LTF: variants seen among roughly 807,000 people sequenced by gnomAD.
The protein encoded by LTF is lactotransferrin.
A neutral mutation model predicts 87.2 loss-of-function variants in LTF; 91 were observed. The observed-to-expected ratio is 1.04, with a 90% CI of 0.88 to 1.24. The LOEUF is 1.24. Ranked by LOEUF, LTF falls within the 50% of genes most tolerant of loss-of-function variation. The probability of loss-of-function intolerance (pLI) is 0.00; values close to 1 mark genes in which losing one functional copy is unlikely to be tolerated. For missense variants in LTF, 901 were observed against 904.3 expected (o/e 1.00, Z 0.05); for synonymous variants, 378 against 356.1 (o/e 1.06, Z -0.69).
intron 15 of LTF, 146 bp from the exon 16 acceptor site, chr3:46,438,275 C>T: frequency 1.4e-6 from 1 of 694,010 alleles, no homozygotes; most frequent in Non-Finnish European, 2.5e-6. Flanking sequence ...ATTCCACCTC[C>T]TTAGTGGAGT....
rs939247331 is a variant in LTF at position 46,435,991 on chromosome 3, T to C, written c.*204A>G. On this transcript the variant is annotated 3_prime_UTR_variant, in exon 17 of 17. Transcript: ENST00000231751. ...TTTCAGTATAAAATTCTAGAAAAGA[T>C]GAGTGACACTTTATAAGGAGAGAAT... The C allele has an allele frequency of 5.1e-6, 3 of 590,970 alleles. No individual in the cohort carries two copies. Among genetic ancestry groups the C allele is most frequent in the Non-Finnish European group, 6.0e-6 (2 of 331,122 alleles). The allele number at this position is 590,970 out of a possible 1,614,324, so 36.6% of individuals were successfully genotyped here.
intron 6 of LTF, among the ~76,000 whole-genome samples, chr3:46,451,665 G>A (rs1045542254): frequency 2.0e-5 from 3 of 152,192 alleles, no homozygotes; most frequent in African/African-American, 7.2e-5. Context: ...TGCGATCTCA[G>A]CTCACTGCAT....
At position 46,450,531 on chromosome 3, in the gene LTF, C is replaced by A. The variant is rs1702777164; in HGVS notation, c.846G>T (p.Lys282Asn). ...HAVVARSVNGKEDAIWNLLRQ... is the reference protein window; with the variant it reads ...HAVVARSVNGNEDAIWNLLRQ... The stretch of plus-strand genomic sequence containing the variant: ...GGAGAAGATTCCAGATGGCATCCTC[C>A]TTGCCATTCACACTTCGTGCCACAA... Residue 282 changes from lysine (K) to asparagine (N), a missense_variant, in exon 7 of 17, where the codon AAG becomes AAT. By Grantham distance (94) the Lys-to-Asn change is moderately conservative (BLOSUM62 0). Coordinates refer to ENST00000231751, the MANE Select transcript of LTF (RefSeq NM_002343.6). 1 of 1,613,738 alleles carries A rather than the reference C, an allele frequency of 6.2e-7. No homozygotes were observed. Among genetic ancestry groups the A allele is most frequent in the Non-Finnish European group, 8.5e-7 (1 of 1,180,018 alleles).
rs756465037 is a variant in LTF at position 46,439,392 on chromosome 3, C to G, written c.1812G>C (p.Glu604Asp). The G allele has an allele frequency of 3.1e-6, 5 of 1,614,130 alleles. No homozygotes were observed. Among genetic ancestry groups the G allele is most frequent in the Non-Finnish European group, 4.2e-6 (5 of 1,180,052 alleles). Residue 604 changes from glutamate (E) to aspartate (D), a missense_variant, in exon 15 of 17, where the codon GAG (glutamate) becomes GAC (aspartate). By Grantham distance (45) the Glu-to-Asp change is conservative. Transcript: ENST00000231751. ...CLDGKRKPVTEARSCHLAMAP... is the reference protein window; with the variant it reads ...CLDGKRKPVTDARSCHLAMAP... ...CCATGGCAAGATGGCAGCTTCTAGC[C>G]TCAGTCACAGGCTTCCGTTTGCCAT...
intron 1 of LTF, among the ~76,000 whole-genome samples, chr3:46,475,008 C>G (rs1703340790): frequency 6.6e-6 from 1 of 151,966 alleles, no homozygotes; most frequent in Non-Finnish European, 1.5e-5. Context: ...GGAGGAAAAG[C>G]CTCATATCAG....
chr3:46,463,044 C>G (rs192483131), intron 1 of LTF, among the ~76,000 whole-genome samples: 2 of 152,234 alleles, frequency 1.3e-5, no homozygotes, highest in Non-Finnish European at 2.9e-5. Context: ...TCTCCACGCT[C>G]TTACCTCCCA....
At chr3:46,479,378 G>A (rs1703403505) in intron 1 of LTF, among the ~76,000 whole-genome samples, 1 of 152,234 alleles carries the variant, frequency 6.6e-6, no homozygotes, top group Non-Finnish European at 1.5e-5. Context: ...AAGACCATCT[G>A]CTTTTACTCT....
intron 1 of LTF, among the ~76,000 whole-genome samples, chr3:46,481,237 G>A (rs1703427529): frequency 1.3e-5 from 2 of 152,188 alleles, no homozygotes; most frequent in South Asian, 4.1e-4. Flanking sequence ...ACTGCTTATG[G>A]AATCCTTTCC....
Position 46,445,405 on chromosome 3 carries a change from T to C in LTF, c.1389A>G (p.Ser463=). ...CAGAGTTCCAGGTAAGGCTAGTGTC[T>C]GATCTCCTAACCACCGCCACAGCAA... ...GYLAVAVVRR[S]DTSLTWNSVK... Residue 463 remains serine, a synonymous_variant, in exon 12 of 17, where the codon TCA becomes TCG. Coordinates refer to ENST00000231751, the MANE Select transcript of LTF (RefSeq NM_002343.6). 6.2e-7 allele frequency: 1 copy of C among 1,613,596 alleles called. No homozygotes were observed. Among genetic ancestry groups the C allele is most frequent in the Non-Finnish European group, 8.5e-7 (1 of 1,179,780 alleles).
chr3:46,443,337 C>T, intron 13 of LTF, 104 bp downstream of exon 13: 2 of 1,380,330 alleles, frequency 1.4e-6, no homozygotes, highest in African/African-American at 1.4e-5. Context: ...GGATGACCCC[C>T]ACTCTGCTGT....
intron 2 of LTF, among the ~76,000 whole-genome samples, chr3:46,458,878 G>A (rs1703008553): frequency 6.6e-6 from 1 of 152,190 alleles, no homozygotes. Flanking sequence ...CCAGCCACTG[G>A]TACTGTTTGT....
intron 9 of LTF, among the ~76,000 whole-genome samples, chr3:46,448,196 G>T (rs974442465): frequency 6.6e-6 from 1 of 151,968 alleles, no homozygotes; most frequent in Admixed American, 6.6e-5. Flanking sequence ...AGACCCTGTC[G>T]CTACAATAAT....
intron 1 of LTF, among the ~76,000 whole-genome samples, chr3:46,479,482 C>A (rs1703404527): frequency 6.6e-6 from 1 of 151,552 alleles, no homozygotes; most frequent in Non-Finnish European, 1.5e-5. Context: ...CCAGCAGTGA[C>A]CTGGGAGAGA....
At chr3:46,446,596 G>A (rs772728694) in intron 10 of LTF, 103 bp from the exon 11 acceptor site, 39 of 951,328 alleles carry the variant, frequency 4.1e-5, no homozygotes, top group African/African-American at 6.5e-5. Flanking sequence ...CAAAGAGACC[G>A]TCCCAGCAGT....
chr3:46,453,656 T>A (rs1459109058), intron 6 of LTF, among the ~76,000 whole-genome samples: 1 of 152,190 alleles, frequency 6.6e-6, no homozygotes, highest in Non-Finnish European at 1.5e-5. Context: ...AGTGAGCTTA[T>A]GTCCACTAGT....
At chr3:46,444,087 A>C (rs993226985) in intron 12 of LTF, among the ~76,000 whole-genome samples, 3 of 152,196 alleles carry the variant, frequency 2.0e-5, no homozygotes, top group Non-Finnish European at 4.4e-5. Context: ...AGCTTCTCAG[A>C]AACATCCTTG....
rs763623780 is a variant in LTF, at chr3:46,446,472, G to A, written c.1325C>T (p.Pro442Leu). Residue 442 changes from proline to leucine, a missense_variant, in exon 11 of 17, where the codon CCT becomes CTT. Transcript: ENST00000231751. ...ENYKSQQSSDPDPNCVDRPVE... is the reference protein window; with the variant it reads ...ENYKSQQSSDLDPNCVDRPVE... ...AGGTCTATCCACACAGTTAGGATCA[G>A]GGTCACTGCTTTGTTGGGATTCTGA... 2.5e-6 allele frequency: 4 copies of A among 1,613,912 alleles called. No individual in the cohort carries two copies. Among genetic ancestry groups the A allele is most frequent in the South Asian group, 1.1e-5 (1 of 91,022 alleles).
At chr3:46,465,062 C>G, upstream of LTF, 1 of 619,432 alleles carries the variant, frequency 1.6e-6, no homozygotes. Context: ...GACTCCACAC[C>G]GCGCTGCGAG....
Position 46,449,923 on chromosome 3 carries a change from G to A in LTF, c.988C>T (p.Pro330Ser), listed in dbSNP as rs145613102. ...KDSAIGFSRVPPRIDSGLYLG... is the reference protein window; with the variant it reads ...KDSAIGFSRVSPRIDSGLYLG... ...TACAGCCCAGAATCTATCCTCGGGG[G>A]CACCCTCGAAAACCCAATGGCAGAG... is the stretch of plus-strand genomic sequence containing the variant. Residue 330 changes from proline (P) to serine (S), a missense_variant, in exon 8 of 17, where the codon CCC becomes TCC. Physicochemically the swap from Pro to Ser is moderately conservative, Grantham distance 74. Coordinates refer to ENST00000231751, the MANE Select transcript of LTF (RefSeq NM_002343.6). 6.2e-7 allele frequency: 1 copy of A among 1,614,170 alleles called. No homozygotes were observed. The highest frequency in any genetic ancestry group is 1.1e-5 in the South Asian group (1 of 91,078).
Sources: gnomAD v4.1 joint callset for allele counts (sites outside exome capture counted in the v4.1 genomes callset) on GRCh38, gnomAD v4.1.1 for gene constraint, MANE v1.5 for transcripts, NCBI Gene and HGNC (gene_info 2026-07-23, HGNC 2026-07-21) for gene names.